DLG2: variants seen among roughly 807,000 people sequenced by gnomAD.
DLG2 encodes the protein disks large homolog 2.
A neutral mutation model predicts 132.5 loss-of-function variants in DLG2; 45 were observed. The ratio of observed to expected loss-of-function variants is 0.34; its 90% CI spans 0.27 to 0.44. DLG2 has a LOEUF of 0.44. Ranked by LOEUF, DLG2 falls within the 20% of genes least tolerant of loss-of-function variation. The pLI is 1.00. For synonymous variants in DLG2, 424 were observed against 419.6 expected (o/e 1.01, Z -0.13); for missense variants, 1,045 against 1,196.9 (o/e 0.87, Z 1.87).
At chr11:84,978,464 T>C (rs1420900526) in intron 6 of DLG2, among the ~76,000 whole-genome samples, 1 of 151,948 alleles carries the variant, frequency 6.6e-6, no homozygotes, top group Non-Finnish European at 1.5e-5. Context: ...AACAGAGACA[T>C]AGACCAATGG....
chr11:84,835,817 AAGG>A (rs1220057463), intron 6 of DLG2, among the ~76,000 whole-genome samples: 1 of 151,832 alleles, frequency 6.6e-6, no homozygotes, highest in Non-Finnish European at 1.5e-5. Flanking sequence ...ATGTAATAAT[AAGG>A]AGATTATGTA....
chr11:83,894,821 TAACTA>T (rs1298408672), intron 15 of DLG2, among the ~76,000 whole-genome samples: 1 of 152,168 alleles, frequency 6.6e-6, no homozygotes, highest in Non-Finnish European at 1.5e-5. Flanking sequence ...CAGCCTCTGA[TAACTA>T]CATTCTACTC....
chr11:85,548,683 T>C (rs1389064109), intron 3 of DLG2, among the ~76,000 whole-genome samples: 1 of 152,152 alleles, frequency 6.6e-6, no homozygotes, highest in East Asian at 1.9e-4. Flanking sequence ...AGAGACGCCC[T>C]GTCCAGAGAG....
intron 6 of DLG2, among the ~76,000 whole-genome samples, chr11:85,068,605 G>A (rs1403055890): frequency 3.9e-5 from 6 of 151,950 alleles, no homozygotes; most frequent in African/African-American, 7.2e-5. Flanking sequence ...GGACGTGAAG[G>A]ACCTCTTCAA....
chr11:84,292,278 T>G (rs1196252459), intron 7 of DLG2, among the ~76,000 whole-genome samples: 1 of 152,138 alleles, frequency 6.6e-6, no homozygotes, highest in Non-Finnish European at 1.5e-5. Context: ...ATGCCTATAG[T>G]TACCAGTGGA....
chr11:84,089,277 C>A (rs909826819), intron 10 of DLG2, among the ~76,000 whole-genome samples: 1 of 152,126 alleles, frequency 6.6e-6, no homozygotes, highest in Non-Finnish European at 1.5e-5. Flanking sequence ...CTCATTTGCA[C>A]AGAAAACAAA....
chr11:84,111,481 C>G (rs367658575), intron 9 of DLG2, among the ~76,000 whole-genome samples: 3 of 152,234 alleles, frequency 2.0e-5, no homozygotes, highest in Non-Finnish European at 4.4e-5. Context: ...GTATTTCTCT[C>G]TCTCAATCTA....
At chr11:84,988,822 G>C (rs1441598855) in intron 6 of DLG2, among the ~76,000 whole-genome samples, 2 of 151,950 alleles carry the variant, frequency 1.3e-5, no homozygotes, top group African/African-American at 2.4e-5. Context: ...CACCACTACA[G>C]AACTTACTCA....
intron 9 of DLG2, among the ~76,000 whole-genome samples, chr11:84,154,860 G>A (rs1182408418): frequency 2.0e-5 from 3 of 152,084 alleles, no homozygotes; most frequent in Non-Finnish European, 4.4e-5. Flanking sequence ...AGTATTCCAT[G>A]GTGTATATGT....
chr11:84,224,316 T>C (rs2096959626), intron 8 of DLG2, among the ~76,000 whole-genome samples: 1 of 152,206 alleles, frequency 6.6e-6, no homozygotes, highest in Admixed American at 6.5e-5. Flanking sequence ...CCTAGGCTGC[T>C]TTTGTTACAC....
chr11:84,138,639 A>G (rs1317718188), intron 9 of DLG2, among the ~76,000 whole-genome samples: 2 of 152,200 alleles, frequency 1.3e-5, no homozygotes, highest in Admixed American at 1.3e-4. Context: ...ATAGAGAAAC[A>G]TACTACAACT....
intron 7 of DLG2, among the ~76,000 whole-genome samples, chr11:84,375,301 G>C (rs1321867607): frequency 6.6e-6 from 1 of 152,070 alleles, no homozygotes; most frequent in East Asian, 1.9e-4. Flanking sequence ...CAAGACATAT[G>C]ATTTCTGAGT....
chr11:83,479,839 T>C (rs1331254823), intron 22 of DLG2, among the ~76,000 whole-genome samples: 1 of 152,068 alleles, frequency 6.6e-6, no homozygotes, highest in African/African-American at 2.4e-5. Flanking sequence ...ATCAAAAAAG[T>C]AAAGTTAGAA....
At chr11:85,526,130 C>T (rs961207929) in intron 3 of DLG2, among the ~76,000 whole-genome samples, 1 of 152,106 alleles carries the variant, frequency 6.6e-6, no homozygotes, top group African/African-American at 2.4e-5. Context: ...GAAGAATTAG[C>T]CCTAGACTAA....
At chr11:83,603,246 T>G (rs1448099223) in intron 19 of DLG2, among the ~76,000 whole-genome samples, 1 of 152,216 alleles carries the variant, frequency 6.6e-6, no homozygotes, top group African/African-American at 2.4e-5. Flanking sequence ...GGATGCCATT[T>G]TTTATATAAT....
intron 5 of DLG2, among the ~76,000 whole-genome samples, chr11:85,146,699 A>G (rs2076885452): frequency 6.6e-6 from 1 of 152,170 alleles, no homozygotes; most frequent in South Asian, 2.1e-4. Context: ...GGGAGGGGTA[A>G]CACAAACACT....
At chr11:84,137,071 G>C (rs550774016) in intron 9 of DLG2, among the ~76,000 whole-genome samples, 1 of 152,098 alleles carries the variant, frequency 6.6e-6, no homozygotes, top group Non-Finnish European at 1.5e-5. Flanking sequence ...CTTTTGATGA[G>C]AATCACAGAT....
rs1161432810 is a variant in DLG2 at position 83,466,640 on chromosome 11, T to C, written c.2729+68A>G. ...GTAAGCATTCCCAGCAAAATCCTGT[T>C]AGTAATTTTCAGTATAATACAGAAC... On this transcript the variant is annotated intron_variant, in intron 26 of 27. Transcript: ENST00000376104. 1.9e-5 allele frequency: 15 copies of C among 772,926 alleles called. No homozygotes were observed. The African/African-American group carries it at 2.6e-4, about 13-fold the overall frequency. 47.9% of individuals were successfully genotyped at this position (772,926 alleles called of 1,614,324 possible). A position where few individuals can be genotyped will look rare whatever the true frequency, so the allele number is the denominator to read the frequency against.
chr11:84,872,656 G>C (rs1047253216), intron 6 of DLG2, among the ~76,000 whole-genome samples: 4 of 152,168 alleles, frequency 2.6e-5, no homozygotes, highest in African/African-American at 9.7e-5. Context: ...TCTAATCTTT[G>C]TTGCTTTTTA....
Sources: allele counts gnomAD v4.1 joint callset (sites outside exome capture counted in the v4.1 genomes callset), GRCh38; gene constraint gnomAD v4.1.1; transcripts MANE v1.5; gene names NCBI Gene and HGNC (gene_info 2026-07-23, HGNC 2026-07-21).